Variants in CAMK1D observed in about 807,000 individuals in gnomAD.
The protein encoded by CAMK1D is calcium/calmodulin-dependent protein kinase type 1D.
A neutral mutation model predicts 47.7 loss-of-function variants in CAMK1D; 9 were observed. The ratio of observed to expected loss-of-function variants is 0.19; its 90% CI spans 0.11 to 0.33. The LOEUF (loss-of-function observed/expected upper bound fraction) is 0.33, where lower values mean the gene tolerates loss of function less well. Among genes scored for constraint, CAMK1D ranks in the 10% least tolerant of loss-of-function variants. CAMK1D has a pLI of 1.00. For synonymous variants in CAMK1D, 184 were observed against 184.9 expected (o/e 0.99, Z 0.04); for missense variants, 291 against 488.7 (o/e 0.60, Z 3.81).
intron 4 of CAMK1D, among the ~76,000 whole-genome samples, chr10:12,764,373 C>CT (rs1425619475): frequency 1.6e-4 from 2 of 12,302 alleles, no homozygotes; most frequent in Admixed American, 1.2e-3. Context: ...AAGAATGACA[C>CT]TTTGTCTCAA....
At chr10:12,759,370 G>T (rs2130900388) in intron 3 of CAMK1D, among the ~76,000 whole-genome samples, 1 of 152,188 alleles carries the variant, frequency 6.6e-6, no homozygotes, top group Non-Finnish European at 1.5e-5. Flanking sequence ...AATAAGAAGT[G>T]AATGTCTCTA....
At chr10:12,555,908 C>T (rs2815626) in intron 2 of CAMK1D, among the ~76,000 whole-genome samples, 1 of 151,978 alleles carries the variant, frequency 6.6e-6, no homozygotes, top group Non-Finnish European at 1.5e-5. Flanking sequence ...CTGTTGATGC[C>T]GTGGATGGTC....
At chr10:12,427,244 A>G (rs1429697762) in intron 1 of CAMK1D, among the ~76,000 whole-genome samples, 1 of 152,138 alleles carries the variant, frequency 6.6e-6, no homozygotes, top group Non-Finnish European at 1.5e-5. Context: ...CTGATTCCAG[A>G]GGGTGGGTAG....
chr10:12,498,403 A>T (rs1423135895), intron 1 of CAMK1D, among the ~76,000 whole-genome samples: 1 of 152,222 alleles, frequency 6.6e-6, no homozygotes, highest in East Asian at 1.9e-4. Flanking sequence ...AAGGGAGAAG[A>T]CTTCTGGGTT....
chr10:12,349,841 G>A lies in CAMK1D; in HGVS notation c.23G>A (p.Ser8Asn), dbSNP rs772487155. The A allele has an allele frequency of 3.9e-6, 6 of 1,525,984 alleles. No homozygotes were observed. Among genetic ancestry groups the A allele is most frequent in the Non-Finnish European group, 4.4e-6 (5 of 1,133,470 alleles). The allele number at this position is 1,525,984 out of a possible 1,614,324, so 94.5% of individuals were successfully genotyped here. Residue 8 changes from serine (S) to asparagine (N), a missense_variant, in exon 1 of 11, where the codon AGC becomes AAC. By Grantham distance (46) the Ser-to-Asn change is conservative. Around this residue, in one of 2 missense-constraint regions of CAMK1D, gnomAD observed 219 missense variants for 424.3 expected, o/e 0.52. Coordinates refer to ENST00000619168, the MANE Select transcript of CAMK1D (RefSeq NM_153498.4). MARENGE[S>N]SSSWKKQAED... ...GCCATGGCCCGGGAGAACGGCGAGA[G>A]CAGCTCCTCCTGGAAAAAGCAAGCT...
chr10:12,574,125 G>C (rs1837416786), intron 2 of CAMK1D, among the ~76,000 whole-genome samples: 1 of 152,010 alleles, frequency 6.6e-6, no homozygotes, highest in African/African-American at 2.4e-5. Flanking sequence ...AATGATTCTT[G>C]AGTTGCCAAA....
intron 2 of CAMK1D, among the ~76,000 whole-genome samples, chr10:12,595,342 G>A (rs1239901974): frequency 5.9e-4 from 14 of 23,564 alleles, no homozygotes; most frequent in Non-Finnish European, 7.0e-4. Context: ...AACTCCATCT[G>A]AAAAAAAAAA....
intron 1 of CAMK1D, among the ~76,000 whole-genome samples, chr10:12,525,659 C>G (rs1835597418): frequency 1.3e-5 from 2 of 152,284 alleles, no homozygotes; most frequent in African/African-American, 2.4e-5. Context: ...AAAGTTGTGT[C>G]TGATAATTCC....
chr10:12,648,539 T>C (rs374224054), intron 2 of CAMK1D, among the ~76,000 whole-genome samples: 22 of 152,296 alleles, frequency 1.4e-4, no homozygotes, highest in Admixed American at 7.2e-4. Flanking sequence ...GGTGTGATCT[T>C]GACTCACTGC....
In CAMK1D at chr10:12,811,189, C is replaced by T. The variant is rs557941443; in HGVS notation, c.642-3006C>T. On this transcript the variant is annotated intron_variant, in intron 6 of 10. Transcript: ENST00000619168. Reference sequence around the variant, plus strand: ...CATTATTGCCTTTGAGGACCCTTGGCGATATAATTTGTAGATTATTTAAAC... The same window carrying T: ...CATTATTGCCTTTGAGGACCCTTGGTGATATAATTTGTAGATTATTTAAAC... Among the ~76,000 whole-genome samples the T allele has an allele frequency of 2.6e-5, 4 of 152,278 alleles. No individual in the cohort carries two copies. In the South Asian group the frequency reaches 8.3e-4, roughly 32 times the overall value.
chr10:12,749,291 T>A (rs1835816469), intron 3 of CAMK1D, among the ~76,000 whole-genome samples: 1 of 152,152 alleles, frequency 6.6e-6, no homozygotes. Flanking sequence ...TTTTTAACAT[T>A]AAGGCTAGTG....
intron 1 of CAMK1D, among the ~76,000 whole-genome samples, chr10:12,539,931 G>C (rs75509833): frequency 6.6e-5 from 10 of 152,094 alleles, no homozygotes; most frequent in Non-Finnish European, 8.8e-5. Context: ...ATTTTTTTAA[G>C]AGACAGGGTC....
intron 8 of CAMK1D, among the ~76,000 whole-genome samples, chr10:12,820,707 G>C (rs1644422): frequency 0.78 from 119,176 of 152,062 alleles, 46,690 homozygotes; most frequent in East Asian, 0.83. Context: ...CAGGAGAGGG[G>C]TCTTTTCAGA....
chr10:12,619,799 T>G (rs942781028), intron 2 of CAMK1D, among the ~76,000 whole-genome samples: 2 of 152,118 alleles, frequency 1.3e-5, no homozygotes, highest in South Asian at 4.1e-4. Context: ...CAAAAGCTTC[T>G]GGAATTCCTC....
chr10:12,647,665 C>G (rs1033826778), intron 2 of CAMK1D, among the ~76,000 whole-genome samples: 2 of 152,030 alleles, frequency 1.3e-5, no homozygotes, highest in African/African-American at 4.8e-5. Flanking sequence ...AAGAGGAACC[C>G]CTGCTTTAGG....
intron 4 of CAMK1D, among the ~76,000 whole-genome samples, chr10:12,769,034 T>C (rs55819101): frequency 1.1e-3 from 171 of 152,274 alleles, no homozygotes; most frequent in Non-Finnish European, 2.0e-3. Context: ...AGACAAAGGA[T>C]GAAATCAACC....
chr10:12,811,921 G>A (rs1832623524), intron 6 of CAMK1D, among the ~76,000 whole-genome samples: 1 of 152,194 alleles, frequency 6.6e-6, no homozygotes, highest in African/African-American at 2.4e-5. Context: ...TGGTGGTTTC[G>A]GAAGCCCTGG....
intron 7 of CAMK1D, 32 bp downstream of exon 7, chr10:12,814,339 G>A (rs375540106): frequency 2.6e-5 from 37 of 1,420,024 alleles, no homozygotes; most frequent in South Asian, 1.4e-4. Flanking sequence ...CCCAGTGGGC[G>A]GCCCCCGCGA....
intron 3 of CAMK1D, among the ~76,000 whole-genome samples, chr10:12,668,491 G>C (rs995978886): frequency 6.6e-6 from 1 of 152,108 alleles, no homozygotes. Flanking sequence ...GGGGAACTAG[G>C]GCAAATAACT....
Sources: gnomAD v4.1 joint callset for allele counts (sites outside exome capture counted in the v4.1 genomes callset) on GRCh38, gnomAD v4.1.1 for gene constraint, gnomAD v4.1.1 regional missense constraint, MANE v1.5 for transcripts, NCBI Gene and HGNC (gene_info 2026-07-23, HGNC 2026-07-21) for gene names.